Variants in RAB27B observed in about 807,000 individuals in gnomAD.
RAB27B encodes the protein ras-related protein Rab-27B.
In RAB27B, 15 loss-of-function variants were observed where a neutral mutation model predicts 24.6. That is an observed-to-expected ratio of 0.61 (90% CI 0.41 to 0.94). The LOEUF (loss-of-function observed/expected upper bound fraction) is 0.94, where lower values mean the gene tolerates loss of function less well. RAB27B is among the 40% of genes least tolerant of loss of function. The pLI, the probability that RAB27B is intolerant of heterozygous loss-of-function variation, is 0.00. For synonymous variants in RAB27B, 105 were observed against 92.5 expected, an observed-to-expected ratio of 1.14 and a Z score of -0.78; for missense variants, 261 against 266.8, an observed-to-expected ratio of 0.98 and a Z score of 0.15.
intron 1 of RAB27B, among the ~76,000 whole-genome samples, chr18:54,857,683 C>T (rs147284096): frequency 1.4e-3 from 215 of 152,284 alleles, no homozygotes; most frequent in African/African-American, 5.1e-3. Flanking sequence ...CTCACGTGTT[C>T]ATGTGTGTGC....
At chr18:54,861,166 G>A (rs1480677770) in intron 1 of RAB27B, among the ~76,000 whole-genome samples, 1 of 152,154 alleles carries the variant, frequency 6.6e-6, no homozygotes, top group African/African-American at 2.4e-5. Context: ...GCAAAGCAGT[G>A]GAACTTTGGC....
intron 2 of RAB27B, among the ~76,000 whole-genome samples, chr18:54,806,777 A>C (rs1210467370): frequency 6.6e-6 from 1 of 151,780 alleles, no homozygotes; most frequent in Non-Finnish European, 1.5e-5. Flanking sequence ...AAAAACATTC[A>C]AAAAAAATTG....
At chr18:54,795,146 A>G (rs1909375372) in intron 2 of RAB27B, among the ~76,000 whole-genome samples, 1 of 152,188 alleles carries the variant, frequency 6.6e-6, no homozygotes, top group South Asian at 2.1e-4. Flanking sequence ...TTGTGATGCT[A>G]CCACAATGCC....
chr18:54,766,670 A>G (rs1908372988), intron 2 of RAB27B, among the ~76,000 whole-genome samples: 1 of 152,128 alleles, frequency 6.6e-6, no homozygotes, highest in South Asian at 2.1e-4. Context: ...ACATAGGCGT[A>G]GTGTATGAAA....
intron 2 of RAB27B, among the ~76,000 whole-genome samples, chr18:54,753,479 T>C (rs1907901145): frequency 6.6e-6 from 1 of 152,174 alleles, no homozygotes; most frequent in Admixed American, 6.5e-5. Flanking sequence ...AGATAATACA[T>C]CTAATGTACC....
intron 2 of RAB27B, among the ~76,000 whole-genome samples, chr18:54,796,423 T>G (rs1213179061): frequency 1.3e-5 from 2 of 152,074 alleles, no homozygotes. Flanking sequence ...ACCAGAAAAA[T>G]CGGATCACAT....
chr18:54,758,399 T>G (rs1390753493), intron 2 of RAB27B, among the ~76,000 whole-genome samples: 2 of 152,126 alleles, frequency 1.3e-5, no homozygotes, highest in African/African-American at 4.8e-5. Flanking sequence ...CAGTCTCAAT[T>G]AAAGAGATTA....
At chr18:54,785,441 T>TG (rs1909054060) in intron 2 of RAB27B, among the ~76,000 whole-genome samples, 1 of 144,872 alleles carries the variant, frequency 6.9e-6, no homozygotes, top group Non-Finnish European at 1.5e-5. Context: ...CTCAGGTTTT[T>TG]TTTTTTTTTT....
intron 1 of RAB27B, among the ~76,000 whole-genome samples, chr18:54,855,192 C>G (rs547451919): frequency 2.6e-5 from 4 of 152,296 alleles, no homozygotes; most frequent in Admixed American, 6.5e-5. Flanking sequence ...CTGTGAGAAT[C>G]TAATGCTGCT....
intron 2 of RAB27B, among the ~76,000 whole-genome samples, chr18:54,722,246 A>T (rs185492014): frequency 2.6e-4 from 40 of 152,262 alleles, no homozygotes; most frequent in East Asian, 2.5e-3. Flanking sequence ...TGAGGGAGAA[A>T]AGACTGGCAC....
chr18:54,759,740 A>AAGAAG (rs1351825515), intron 2 of RAB27B, among the ~76,000 whole-genome samples: 2 of 152,160 alleles, frequency 1.3e-5, no homozygotes, highest in African/African-American at 4.8e-5. Context: ...AGTGATAGGG[A>AAGAAG]AGAAGAGAAG....
intron 1 of RAB27B, 32 bp from the exon 2 acceptor site, chr18:54,877,535 C>A: frequency 7.6e-7 from 1 of 1,322,004 alleles, no homozygotes; most frequent in Admixed American, 3.0e-5. Flanking sequence ...CAACTTTAAT[C>A]AAAACATACT....
At chr18:54,872,916 A>G (rs1025692650) in intron 1 of RAB27B, among the ~76,000 whole-genome samples, 3 of 152,322 alleles carry the variant, frequency 2.0e-5, no homozygotes, top group African/African-American at 7.2e-5. Context: ...GCAGTAGACA[A>G]AAGAGATCAA....
intron 4 of RAB27B, chr18:54,885,746 G>C (rs1312723268): frequency 6.5e-6 from 1 of 153,656 alleles, no homozygotes; most frequent in Non-Finnish European, 1.4e-5. Flanking sequence ...AAATTCCTGA[G>C]ACTGGGTAAT....
At chr18:54,802,113 G>A (rs1434717593) in intron 2 of RAB27B, among the ~76,000 whole-genome samples, 1 of 152,194 alleles carries the variant, frequency 6.6e-6, no homozygotes, top group Non-Finnish European at 1.5e-5. Context: ...AGTAAAGTGA[G>A]GGATCAAAGT....
At chr18:54,757,801 T>C (rs1191894663) in intron 2 of RAB27B, among the ~76,000 whole-genome samples, 2 of 152,154 alleles carry the variant, frequency 1.3e-5, no homozygotes, top group African/African-American at 4.8e-5. Flanking sequence ...AAAGCCTCTT[T>C]GATTTAATTA....
At position 54,773,967 on chromosome 18, in the gene RAB27B, C is replaced by T. The variant is rs545540022; in HGVS notation, c.-20+55826C>T. Among the ~76,000 whole-genome samples the T allele has an allele frequency of 2.2e-4, 33 of 152,254 alleles. 1 individual carries two copies. Among genetic ancestry groups the T allele is most frequent in the African/African-American group, 6.5e-4 (27 of 41,550 alleles). On this transcript the variant is annotated intron_variant, in intron 2 of 4. Coordinates refer to the RAB27B transcript ENST00000586570. ...TGCTAGGATTACAGGCATGAGACAT[C>T]GCGCCCGGCTGAGACAATCTACTTT...
chr18:54,888,543 A>G (rs138542767), intron 5 of RAB27B, among the ~76,000 whole-genome samples: 2 of 152,198 alleles, frequency 1.3e-5, no homozygotes, highest in African/African-American at 2.4e-5. Context: ...AATAGATGTA[A>G]AACTCCAAGA....
intron 2 of RAB27B, among the ~76,000 whole-genome samples, chr18:54,798,691 T>C (rs921168324): frequency 6.6e-6 from 1 of 152,244 alleles, no homozygotes; most frequent in Non-Finnish European, 1.5e-5. Context: ...ATGAAGATGA[T>C]AGGACTTGGA....
Sources: gnomAD v4.1 joint callset for allele counts (sites outside exome capture counted in the v4.1 genomes callset) on GRCh38, gnomAD v4.1.1 for gene constraint, MANE v1.5 for transcripts, NCBI Gene and HGNC (gene_info 2026-07-23, HGNC 2026-07-21) for gene names.